The following F5 variants were observed in gnomAD, a reference collection of about 807,000 sequenced individuals.
F5 encodes the protein activated protein c cofactor.
A neutral mutation model predicts 216.4 loss-of-function variants in F5; 138 were observed. The ratio of observed to expected loss-of-function variants is 0.64; its 90% confidence interval spans 0.56 to 0.73. F5 has a LOEUF of 0.73. Ranked by LOEUF, F5 falls within the 30% of genes least tolerant of loss-of-function variation. F5 has a pLI of 0.00. For missense variants in F5, 2,403 were observed against 2,674.0 expected, an observed-to-expected ratio of 0.90 and a Z score of 2.24; for synonymous variants, 916 against 930.7, an observed-to-expected ratio of 0.98 and a Z score of 0.29.
At position 169,512,776 on chromosome 1, in the gene F5, C is replaced by G. The variant is rs1659059904; in HGVS notation, c.*1537G>C. On this transcript the variant is annotated 3_prime_UTR_variant, in exon 25 of 25. Transcript: ENST00000367797. Reference sequence around the variant, plus strand: ...CTCATATACATTCATAGGGCTTACCCCACTGGTATGGGCAACAGGTAACTC... The same window carrying G: ...CTCATATACATTCATAGGGCTTACCGCACTGGTATGGGCAACAGGTAACTC... Among the ~76,000 whole-genome samples, 1 of 152,046 alleles carries G rather than the reference C, an allele frequency of 6.6e-6. No homozygotes were observed. The highest frequency in any genetic ancestry group is 2.4e-5 in the African/African-American group (1 of 41,426).
intron 3 of F5, among the ~76,000 whole-genome samples, chr1:169,562,098 T>A (rs1269706746): frequency 2.0e-5 from 3 of 152,152 alleles, no homozygotes; most frequent in African/African-American, 7.2e-5. Flanking sequence ...TTGCTGAGCT[T>A]TGATTAAAAC....
Position 169,523,195 on chromosome 1 carries a change from A to G in F5, c.6048+2T>C, listed in dbSNP as rs1437536953. 3 of 1,614,006 alleles carry G rather than the reference A, an allele frequency of 1.9e-6. No homozygotes were observed. Reference sequence around the variant, plus strand: ...GATTCAGATAGAAATATGCACACAAACCATCACATTCCTTGTGCTGTTCCC... The same window carrying G: ...GATTCAGATAGAAATATGCACACAAGCCATCACATTCCTTGTGCTGTTCCC... On this transcript the variant is annotated splice_donor_variant, in intron 21 of 24. Transcript: ENST00000367797. LOFTEE classifies it high-confidence loss of function.
At position 169,586,443 on chromosome 1, in the gene F5, C is replaced by T; in HGVS notation, c.-57G>A. On this transcript the variant is annotated 5_prime_UTR_variant, in exon 1 of 25. Coordinates refer to ENST00000367797, the MANE Select transcript of F5 (RefSeq NM_000130.5). ...ACCCCAGGACCTGGGCAGCGCTTGC[C>T]GAGCTGCTAACCACACTCCGGGCTG... The T allele has an allele frequency of 1.3e-6, 2 of 1,579,544 alleles. No homozygotes were observed. Among genetic ancestry groups the T allele is most frequent in the African/African-American group, 1.3e-5 (1 of 74,296 alleles).
rs986714724 is a variant in F5 at position 169,550,526 on chromosome 1, C to T, written c.1396+114G>A. 16 of 790,252 alleles carry T rather than the reference C, an allele frequency of 2.0e-5. No individual in the cohort carries two copies. In the African/African-American group the frequency reaches 2.4e-4, roughly 12 times the overall value. The allele number at this position is 790,252 out of a possible 1,614,324, so 49.0% of individuals were successfully genotyped here. A position where few individuals can be genotyped will look rare whatever the true frequency, so the allele number is the denominator to read the frequency against. ...GGCTGTGATTTTTAGGATACTCCTA[C>T]ATGTATACTACCTGACTGCAGTAGT... is the stretch of plus-strand genomic sequence containing the variant. On this transcript the variant is annotated intron_variant, in intron 9 of 24. Coordinates refer to ENST00000367797, the MANE Select transcript of F5 (RefSeq NM_000130.5).
At chr1:169,577,878 T>C (rs56719897) in intron 2 of F5, among the ~76,000 whole-genome samples, 2 of 151,870 alleles carry the variant, frequency 1.3e-5, no homozygotes, top group African/African-American at 4.8e-5. Context: ...CCCCTACAAT[T>C]ACAAGAACTA....
intron 2 of F5, among the ~76,000 whole-genome samples, chr1:169,579,418 T>C (rs189689548): frequency 6.6e-6 from 1 of 152,098 alleles, no homozygotes; most frequent in Admixed American, 6.6e-5. Flanking sequence ...CCCTCTAAAT[T>C]CTTCATTTGC....
rs190361734 is a variant in F5 at position 169,565,515 on chromosome 1, G to T, written c.374-4749C>A. Reference sequence around the variant, plus strand: ...CTACAGCCTAGGTCAACAAGTCAAAGCTCATGGCTGTGTGTTGTTATGATT... The same window carrying T: ...CTACAGCCTAGGTCAACAAGTCAAATCTCATGGCTGTGTGTTGTTATGATT... On this transcript the variant is annotated intron_variant, in intron 3 of 24. Coordinates refer to ENST00000367797, the MANE Select transcript of F5 (RefSeq NM_000130.5). 3.2e-3 allele frequency among the ~76,000 whole-genome samples: 482 copies of T among 152,230 alleles called. 1 individual carries two copies. The highest frequency in any genetic ancestry group is 0.02 in the Middle Eastern group (6 of 294).
chr1:169,572,420 A>G, intron 2 of F5, 77 bp from the exon 3 acceptor site: 1 of 1,540,052 alleles, frequency 6.5e-7, no homozygotes, highest in South Asian at 1.1e-5. Context: ...AAAAACAAAC[A>G]GATGATACCA....
intron 1 of F5, 76 bp from the exon 2 acceptor site, chr1:169,582,598 T>A: frequency 1.3e-6 from 1 of 754,378 alleles, no homozygotes; most frequent in Non-Finnish European, 2.3e-6. Flanking sequence ...AAAGTAGATC[T>A]CTCATATCTT....
chr1:169,514,348 G>T lies in F5; in HGVS notation c.6640C>A (p.Leu2214Ile). ...IPKTWNQSIA[L>I]RLELFGCDIY ...TCACAGCCAAAGAGTTCCAGGCGAA[G>T]TGCAATACTTTGATTCCATGTTTTA... Residue 2214 changes from leucine to isoleucine, a missense_variant, in exon 25 of 25, where the codon CTT becomes ATT. Physicochemically the swap from Leu to Ile is conservative, Grantham distance 5. This residue lies in a region of F5 where 659 missense variants were observed against 787.9 expected (regional missense o/e 0.84). Coordinates refer to ENST00000367797, the MANE Select transcript of F5 (RefSeq NM_000130.5). The T allele has an allele frequency of 1.2e-6, 2 of 1,613,336 alleles. No individual in the cohort carries two copies. Among genetic ancestry groups the T allele is most frequent in the Non-Finnish European group, 1.7e-6 (2 of 1,179,544 alleles).
chr1:169,520,858 C>T (rs901213838), intron 21 of F5, among the ~76,000 whole-genome samples, 194 bp from the exon 22 acceptor site: 2 of 152,072 alleles, frequency 1.3e-5, no homozygotes, highest in African/African-American at 4.8e-5. Context: ...CCCTATTCCT[C>T]CTGCTAAGTA....
chr1:169,532,640 A>ACACG lies in F5; in HGVS notation c.4972-1619_4972-1618insCGTG, dbSNP rs57670315. Reference sequence around the variant, plus strand: ...TCCCATTAAACATAGCCACACACACATACAAAATACCTAGGAAAACATCTA... The same window carrying ACACG: ...TCCCATTAAACATAGCCACACACACACACGTACAAAATACCTAGGAAAACATCTA... On this transcript the variant is annotated intron_variant, in intron 14 of 24. Coordinates refer to ENST00000367797, the MANE Select transcript of F5 (RefSeq NM_000130.5). 7.9e-5 allele frequency among the ~76,000 whole-genome samples: 12 copies of ACACG among 152,132 alleles called. 1 individual carries two copies. The highest frequency in any genetic ancestry group is 3.4e-3 in the Middle Eastern group (1 of 294).
At chr1:169,521,999 A>G (rs1272020822) in intron 21 of F5, among the ~76,000 whole-genome samples, 3 of 152,136 alleles carry the variant, frequency 2.0e-5, no homozygotes, top group African/African-American at 7.2e-5. Context: ...AATATCAGAG[A>G]TGAAACAGGC....
chr1:169,556,425 T>TTAAAAAAAAAAA (rs549256084), intron 6 of F5, among the ~76,000 whole-genome samples: 1 of 58,906 alleles, frequency 1.7e-5, no homozygotes, highest in Non-Finnish European at 2.9e-5. Context: ...TTTGCTTAAT[T>TTAAAAAAAAAAA]AAAAAAAAAA....
intron 3 of F5, among the ~76,000 whole-genome samples, chr1:169,567,481 T>C (rs1042922348): frequency 2.6e-5 from 4 of 152,030 alleles, no homozygotes; most frequent in Non-Finnish European, 4.4e-5. Flanking sequence ...TTCCAATCCA[T>C]TGTAGTGATG....
intron 7 of F5, among the ~76,000 whole-genome samples, chr1:169,554,150 C>T (rs1220893740): frequency 6.9e-6 from 1 of 144,312 alleles, no homozygotes; most frequent in Non-Finnish European, 1.5e-5. Flanking sequence ...TCTCTGATGA[C>T]TCTCAAAATG....
Position 169,549,805 on chromosome 1 carries a change from A to T in F5, c.1607T>A (p.Ile536Lys), listed in dbSNP as rs1463895656. 1 of 1,612,192 alleles carries T rather than the reference A, an allele frequency of 6.2e-7. No homozygotes were observed. The highest frequency in any genetic ancestry group is 8.5e-7 in the Non-Finnish European group (1 of 1,178,412). ...GTTACTTCAAGGACAAAATACCTGTATTCCTCGCCTGTCCAGGGATCTGCT... is the reference window on the plus strand; with the variant it reads ...GTTACTTCAAGGACAAAATACCTGTTTTCCTCGCCTGTCCAGGGATCTGCT... ...CKSRSLDRRGIQRAADIEQQA... is the reference protein window; with the variant it reads ...CKSRSLDRRGKQRAADIEQQA... Residue 536 changes from isoleucine to lysine, a missense_variant, in exon 10 of 25, where the codon ATA becomes AAA. Ile to Lys is a moderately radical substitution (Grantham distance 102). Around this residue, in one of 4 missense-constraint regions of F5, gnomAD observed 1,425 missense variants for 1,554.8 expected, o/e 0.92. Transcript: ENST00000367797.
At chr1:169,516,271 G>C (rs1659152733) in intron 23 of F5, among the ~76,000 whole-genome samples, 2 of 152,094 alleles carry the variant, frequency 1.3e-5, no homozygotes, top group Admixed American at 1.3e-4. Context: ...TCCTGTCTCT[G>C]GCCTAACAAA....
chr1:169,530,855 A>C lies in F5; in HGVS notation c.5139T>G (p.Thr1713=). 6.2e-7 allele frequency: 1 copy of C among 1,613,988 alleles called. No individual in the cohort carries two copies. The highest frequency in any genetic ancestry group is 8.5e-7 in the Non-Finnish European group (1 of 1,179,858). The change falls in exon 15 of 25, where the codon ACT becomes ACG. Residue 1713 remains threonine (T), a synonymous_variant. Transcript: ENST00000367797. ...CAGGACTTTCTGGCCCTGATCGCTCAGTGGCATGCCATACGTAGGTATAAC... is the reference window on the plus strand; with the variant it reads ...CAGGACTTTCTGGCCCTGATCGCTCCGTGGCATGCCATACGTAGGTATAAC... ...NSSYTYVWHA[T]ERSGPESPGS...
Sources: allele counts gnomAD v4.1 joint callset (sites outside exome capture counted in the v4.1 genomes callset), GRCh38; gene constraint gnomAD v4.1.1; regional missense constraint gnomAD v4.1.1; transcripts MANE v1.5; gene names NCBI Gene and HGNC (gene_info 2026-07-23, HGNC 2026-07-21).